KLF17: variants seen among roughly 807,000 people sequenced by gnomAD.
KLF17 encodes KLF transcription factor 17.
In KLF17, 31 loss-of-function variants were observed where a neutral mutation model predicts 34.2. That is an observed-to-expected ratio of 0.91 (90% CI 0.68 to 1.22). The LOEUF (loss-of-function observed/expected upper bound fraction) is 1.22. KLF17 is among the 50% of genes most tolerant of loss of function. The pLI, the probability that KLF17 is intolerant of heterozygous loss-of-function variation, is 0.00. For synonymous variants in KLF17, 179 were observed against 186.7 expected (o/e 0.96, Z 0.34); for missense variants, 478 against 505.2 (o/e 0.95, Z 0.52).
upstream of KLF17, among the ~76,000 whole-genome samples, chr1:44,116,106 G>T (rs997784251): frequency 2.0e-5 from 3 of 152,128 alleles, no homozygotes; most frequent in Non-Finnish European, 4.4e-5. Context: ...TTTCCTAAAT[G>T]CCATGTTGGG....
chr1:44,089,760 G>C, the KLF17 span, among the ~76,000 whole-genome samples: 110 of 152,272 alleles, frequency 7.2e-4, no homozygotes, highest in Admixed American at 1.4e-3. Context: ...ATAGAACAAA[G>C]GTCAGCAAAT....
rs79967955 is a variant in KLF17, at chr1:44,122,518, C to T, written c.81+3530C>T. On this transcript the variant is annotated intron_variant, in intron 1 of 3. Coordinates refer to ENST00000372299, the MANE Select transcript of KLF17 (RefSeq NM_173484.4). ...AAAAATCTCACGAGCTTCATCCTAG[C>T]GGTGCCATCACCCTTTGGGTCCGAT... 590 of 896,002 alleles carry T rather than the reference C, an allele frequency of 6.6e-4. 7 individuals carry two copies. The East Asian group carries it at 0.012, about 18-fold the overall frequency. 55.5% of individuals were successfully genotyped at this position (896,002 alleles called of 1,614,324 possible).
At chr1:44,102,468 G>A in the KLF17 span, among the ~76,000 whole-genome samples, 3 of 151,586 alleles carry the variant, frequency 2.0e-5, no homozygotes, top group African/African-American at 4.8e-5. Context: ...CAGGAGAATC[G>A]CTTGAACCCA....
intron 1 of KLF17, among the ~76,000 whole-genome samples, chr1:44,128,594 G>A (rs1166582250): frequency 6.6e-6 from 1 of 152,062 alleles, no homozygotes; most frequent in East Asian, 1.9e-4. Flanking sequence ...GTAAATATTT[G>A]CAGATGATGT....
the KLF17 span, among the ~76,000 whole-genome samples, chr1:44,074,226 A>C: frequency 6.7e-6 from 1 of 148,666 alleles, no homozygotes; most frequent in African/African-American, 2.5e-5. Flanking sequence ...TACCATCCTC[A>C]CCCCATGTGT....
At chr1:44,048,746 T>C in the KLF17 span, among the ~76,000 whole-genome samples, 5 of 152,270 alleles carry the variant, frequency 3.3e-5, no homozygotes, top group African/African-American at 1.2e-4. Flanking sequence ...TGTAATTTGC[T>C]TAATTTTTGA....
At chr1:44,091,635 C>CAAAAAAAAAAA in the KLF17 span, among the ~76,000 whole-genome samples, 2 of 79,034 alleles carry the variant, frequency 2.5e-5, no homozygotes, top group African/African-American at 4.8e-5. Context: ...GACTCCATCT[C>CAAAAAAAAAAA]AAAAAAAAAA....
intron 1 of KLF17, among the ~76,000 whole-genome samples, chr1:44,124,429 A>C (rs914805117): frequency 6.6e-6 from 1 of 150,996 alleles, no homozygotes; most frequent in African/African-American, 2.4e-5. Flanking sequence ...TCCTGGGTTC[A>C]AGTGATTCTC....
the KLF17 span, among the ~76,000 whole-genome samples, chr1:44,090,699 G>A: frequency 1.3e-5 from 2 of 152,124 alleles, no homozygotes; most frequent in African/African-American, 4.8e-5. Flanking sequence ...TAGCCTCAAG[G>A]AGACAACCTC....
chr1:44,072,917 G>GA, the KLF17 span, among the ~76,000 whole-genome samples: 4 of 152,122 alleles, frequency 2.6e-5, no homozygotes, highest in Non-Finnish European at 5.9e-5. Flanking sequence ...ATAGGTGTTT[G>GA]AAGGAGGAGG....
At chr1:44,133,008 G>A (rs566174510) in intron 3 of KLF17, among the ~76,000 whole-genome samples, 1 of 152,328 alleles carries the variant, frequency 6.6e-6, no homozygotes, top group South Asian at 2.1e-4. Flanking sequence ...TTCTATGGGT[G>A]TTTCCTGAAC....
At chr1:44,067,201 C>T in the KLF17 span, among the ~76,000 whole-genome samples, 40 of 151,176 alleles carry the variant, frequency 2.6e-4, no homozygotes, top group Non-Finnish European at 5.2e-4. Flanking sequence ...CAGACTCCCA[C>T]TCCCTTGAGT....
At chr1:44,067,041 C>T in the KLF17 span, among the ~76,000 whole-genome samples, 267 of 151,996 alleles carry the variant, frequency 1.8e-3, 1 homozygote, top group African/African-American at 5.8e-3. Flanking sequence ...ACTAAGTGAT[C>T]GATAACATTT....
At chr1:44,073,467 A>G in the KLF17 span, among the ~76,000 whole-genome samples, 1 of 151,954 alleles carries the variant, frequency 6.6e-6, no homozygotes, top group East Asian at 1.9e-4. Flanking sequence ...CGGCCTCCCA[A>G]AGTGCTGGGA....
chr1:44,111,630 T>C, the KLF17 span, among the ~76,000 whole-genome samples: 3 of 152,022 alleles, frequency 2.0e-5, no homozygotes, highest in Non-Finnish European at 4.4e-5. Flanking sequence ...AACTAAGAAA[T>C]AGCCTGTAAT....
the KLF17 span, among the ~76,000 whole-genome samples, chr1:44,069,501 AGAGAGAGAGAG>A: frequency 3.2e-4 from 46 of 144,288 alleles, no homozygotes; most frequent in African/African-American, 1.2e-3. This position sits in a 1 kb window ranked among gnomAD's most constrained non-coding sequence, Gnocchi z 4.7. Flanking sequence ...AGAGAGAGAG[AGAGAGAGAGAG>A]AAGACAGGAG....
the KLF17 span, among the ~76,000 whole-genome samples, chr1:44,054,669 G>C: frequency 2.0e-5 from 3 of 151,056 alleles, no homozygotes; most frequent in African/African-American, 7.3e-5. Context: ...TTTTAATAGA[G>C]ACGGGGTTTC....
the KLF17 span, chr1:44,110,259 G>C: frequency 6.6e-6 from 1 of 152,136 alleles, no homozygotes; most frequent in African/African-American, 2.4e-5. Flanking sequence ...TGACCCAAAG[G>C]TTAAGCCACT....
chr1:44,048,716 GT>G, the KLF17 span, among the ~76,000 whole-genome samples: 1 of 152,178 alleles, frequency 6.6e-6, no homozygotes, highest in Non-Finnish European at 1.5e-5. Flanking sequence ...GAAATTTTCT[GT>G]GTGTTTGACT....
Sources: gnomAD v4.1 joint callset for allele counts (sites outside exome capture counted in the v4.1 genomes callset) on GRCh38, gnomAD v4.1.1 for gene constraint, Gnocchi (gnomAD v3.1) non-coding constraint, MANE v1.5 for transcripts, NCBI Gene and HGNC (gene_info 2026-07-23, HGNC 2026-07-21) for gene names.